CELF2: variants seen among roughly 807,000 people sequenced by gnomAD.
CELF2 encodes CUGBP Elav-like family member 2, also known as CUG triplet repeat RNA-binding protein 2.
Under a neutral mutation model 62.6 loss-of-function variants are expected in CELF2, and 8 were observed. The ratio of observed to expected loss-of-function variants is 0.13; its 90% CI spans 0.07 to 0.23. The LOEUF is 0.23. CELF2 is among the 10% of genes least tolerant of loss of function. The pLI, the probability that CELF2 is intolerant of heterozygous loss-of-function variation, is 1.00. For synonymous variants in CELF2, 258 were observed against 250.0 expected, an observed-to-expected ratio of 1.03 and a Z score of -0.30; for missense variants, 333 against 671.0, an observed-to-expected ratio of 0.50 and a Z score of 5.56.
At chr10:10,927,089 C>T (rs1447916132) in intron 2 of CELF2, 1 of 152,032 alleles carries the variant, frequency 6.6e-6, no homozygotes, top group Non-Finnish European at 1.5e-5. Context: ...GCTCCATTCC[C>T]CTGTGGGGAG....
chr10:10,728,539 G>A, the CELF2 span, among the ~76,000 whole-genome samples: 1 of 151,974 alleles, frequency 6.6e-6, no homozygotes, highest in African/African-American at 2.4e-5. Context: ...CCTGGCATTT[G>A]GCACTGTGCC....
chr10:10,769,661 G>A, the CELF2 span, among the ~76,000 whole-genome samples: 1 of 152,062 alleles, frequency 6.6e-6, no homozygotes, highest in African/African-American at 2.4e-5. Context: ...ATACTCAGGG[G>A]ACTGAGGCAG....
intron 1 of CELF2, among the ~76,000 whole-genome samples, chr10:11,108,725 A>G (rs2054340418): frequency 2.0e-5 from 3 of 152,120 alleles, no homozygotes; most frequent in African/African-American, 7.2e-5. Context: ...CTTGGTGTTG[A>G]CTTTCTCATT....
At chr10:10,803,668 G>C (rs2054903323) in intron 1 of CELF2, among the ~76,000 whole-genome samples, 2 of 152,152 alleles carry the variant, frequency 1.3e-5, no homozygotes, top group Non-Finnish European at 2.9e-5. Flanking sequence ...ACTTCGTATG[G>C]TTCAGCTAAT....
Position 11,246,359 on chromosome 10 carries a change from C to G in CELF2, c.355-2794C>G, listed in dbSNP as rs749003751. On this transcript the variant is annotated intron_variant, in intron 3 of 12. Coordinates refer to ENST00000633077, the MANE Select transcript of CELF2 (RefSeq NM_001326342.2). The surrounding 1 kb of genome is among the most constrained non-coding windows in gnomAD (Gnocchi z 4.6). ...ATGAACCTGTATAAGTCTTTCCTGT[C>G]TTGAAAGGACAGATGGGTGGCCCCC... Among the ~76,000 whole-genome samples the G allele has an allele frequency of 2.0e-5, 3 of 152,120 alleles. No homozygotes were observed. The highest frequency in any genetic ancestry group is 4.4e-5 in the Non-Finnish European group (3 of 68,022).
chr10:11,165,925 C>T lies in CELF2; in HGVS notation c.271+243C>T, dbSNP rs2066990864. On this transcript the variant is annotated intron_variant, in intron 2 of 12. Coordinates refer to ENST00000633077, the MANE Select transcript of CELF2 (RefSeq NM_001326342.2). The surrounding 1 kb of genome is among the most constrained non-coding windows in gnomAD (Gnocchi z 7.4). The stretch of plus-strand genomic sequence containing the variant: ...CCGAGGCAGGGCGGGAGCGCAGAGG[C>T]TCGGTCCAGGCGCGTGATCGCTCCC... 6.6e-6 allele frequency among the ~76,000 whole-genome samples: 1 copy of T among 152,230 alleles called. No individual in the cohort carries two copies. The highest frequency in any genetic ancestry group is 2.4e-5 in the African/African-American group (1 of 41,462).
At chr10:11,307,959 G>A in intron 9 of CELF2, among the ~76,000 whole-genome samples, 1 of 152,230 alleles carries the variant, frequency 6.6e-6, no homozygotes, top group Non-Finnish European at 1.5e-5. Context: ...GGTCTGTGCT[G>A]TAAGATGACG....
At position 11,332,088 on chromosome 10, in the gene CELF2, G is replaced by T. The variant is rs1344434799; in HGVS notation, c.*3035G>T. Reference sequence around the variant, plus strand: ...TACTTTTGATTATTTCTCATTTTTGGGAAAAGAATTCCTAATGTGCTACTA... The same window carrying T: ...TACTTTTGATTATTTCTCATTTTTGTGAAAAGAATTCCTAATGTGCTACTA... On this transcript the variant is annotated 3_prime_UTR_variant, in exon 13 of 13. Coordinates refer to ENST00000633077, the MANE Select transcript of CELF2 (RefSeq NM_001326342.2). The T allele has an allele frequency of 6.7e-6, 1 of 149,758 alleles. No individual in the cohort carries two copies. The highest frequency in any genetic ancestry group is 1.5e-5 in the Non-Finnish European group (1 of 67,998). 9.3% of individuals were successfully genotyped at this position (149,758 alleles called of 1,614,324 possible). A position where few individuals can be genotyped will look rare whatever the true frequency, so the allele number is the denominator to read the frequency against.
At chr10:10,756,602 T>C in the CELF2 span, among the ~76,000 whole-genome samples, 1 of 152,228 alleles carries the variant, frequency 6.6e-6, no homozygotes, top group African/African-American at 2.4e-5. Context: ...CTCTGATATG[T>C]TGCCTTTAAT....
the CELF2 span, among the ~76,000 whole-genome samples, chr10:10,611,668 G>C: frequency 6.6e-6 from 1 of 152,206 alleles, no homozygotes; most frequent in African/African-American, 2.4e-5. Context: ...GGTTTAGCTA[G>C]AGATTAATGA....
chr10:10,696,950 G>A, the CELF2 span, among the ~76,000 whole-genome samples: 5,888 of 152,260 alleles, frequency 0.039, 264 homozygotes, highest in East Asian at 0.27. Flanking sequence ...CTTCTGCGTC[G>A]CTCACGCTGG....
At chr10:10,870,896 G>A (rs2060698575) in intron 1 of CELF2, among the ~76,000 whole-genome samples, 1 of 152,136 alleles carries the variant, frequency 6.6e-6, no homozygotes, top group African/African-American at 2.4e-5. Context: ...GTTGCCTCCA[G>A]CCTTGTTATT....
chr10:10,658,282 G>A, the CELF2 span, among the ~76,000 whole-genome samples: 2 of 151,882 alleles, frequency 1.3e-5, no homozygotes, highest in African/African-American at 4.8e-5. Context: ...ATGGCCTTGA[G>A]AGTGTTGAAA....
intron 2 of CELF2, among the ~76,000 whole-genome samples, chr10:10,925,504 A>C (rs931040491): frequency 6.6e-6 from 1 of 152,110 alleles, no homozygotes; most frequent in African/African-American, 2.4e-5. Context: ...GAAGTGGTTC[A>C]GTGGCATGAA....
At chr10:10,892,719 G>GA (rs1379807812) in intron 1 of CELF2, among the ~76,000 whole-genome samples, 1 of 152,206 alleles carries the variant, frequency 6.6e-6, no homozygotes, top group Non-Finnish European at 1.5e-5. Context: ...TCTACTGCCA[G>GA]GCTCTACATG....
At chr10:10,754,230 C>T in the CELF2 span, among the ~76,000 whole-genome samples, 1 of 151,664 alleles carries the variant, frequency 6.6e-6, no homozygotes, top group African/African-American at 2.4e-5. Flanking sequence ...CTGCAGCCTC[C>T]AATTCTTAGG....
At chr10:10,708,122 A>G in the CELF2 span, among the ~76,000 whole-genome samples, 1 of 152,230 alleles carries the variant, frequency 6.6e-6, no homozygotes, top group Non-Finnish European at 1.5e-5. Flanking sequence ...TGAGGCAGGG[A>G]GCAAATTCAA....
At chr10:11,028,101 C>T (rs1019669197) in intron 1 of CELF2, among the ~76,000 whole-genome samples, 15 of 152,206 alleles carry the variant, frequency 9.9e-5, no homozygotes, top group East Asian at 1.9e-4. Context: ...TCAGAAAACG[C>T]GCAGTCCCTA....
the CELF2 span, among the ~76,000 whole-genome samples, chr10:10,664,825 G>A: frequency 6.6e-6 from 1 of 152,204 alleles, no homozygotes. Context: ...CACAAAGACA[G>A]AAATGGGAAG....
Sources: gnomAD v4.1 joint callset for allele counts (sites outside exome capture counted in the v4.1 genomes callset) on GRCh38, gnomAD v4.1.1 for gene constraint, Gnocchi (gnomAD v3.1) non-coding constraint, MANE v1.5 for transcripts, NCBI Gene and HGNC (gene_info 2026-07-23, HGNC 2026-07-21) for gene names.